NFYC: variants seen among roughly 807,000 people sequenced by gnomAD.
The protein encoded by NFYC is CAAT box DNA-binding protein subunit C.
NFYC carries 25 observed loss-of-function variants against 53.1 expected under a neutral mutation model. The ratio of observed to expected loss-of-function variants is 0.47; its 90% CI spans 0.34 to 0.66. The LOEUF (loss-of-function observed/expected upper bound fraction) is 0.66. Ranked by LOEUF, NFYC falls within the 30% of genes least tolerant of loss-of-function variation. NFYC has a pLI of 0.01. For synonymous variants in NFYC, 145 were observed against 152.6 expected (o/e 0.95, Z 0.37); for missense variants, 260 against 422.7 (o/e 0.62, Z 3.38).
intron 1 of NFYC, among the ~76,000 whole-genome samples, chr1:40,736,719 C>T (rs1463992888): frequency 1.4e-5 from 2 of 144,472 alleles, no homozygotes; most frequent in African/African-American, 5.2e-5. Context: ...AAATCCGAAA[C>T]TTTTTGAGCC....
intron 1 of NFYC, among the ~76,000 whole-genome samples, chr1:40,728,096 T>A (rs1644603107): frequency 6.6e-6 from 1 of 151,886 alleles, no homozygotes; most frequent in Non-Finnish European, 1.5e-5. Context: ...GTGTTTTTAG[T>A]AGAGATGGGG....
chr1:40,766,889 G>A (rs1325886065), intron 8 of NFYC, 186 bp downstream of exon 8: 5 of 1,551,348 alleles, frequency 3.2e-6, no homozygotes, highest in Admixed American at 2.0e-5. Context: ...TAGATTCAAA[G>A]TGTTTTCTCT....
Position 40,738,951 on chromosome 1 carries a change from G to A in NFYC, c.105+3G>A, listed in dbSNP as rs1280111907. The A allele has an allele frequency of 2.5e-6, 4 of 1,592,238 alleles. No homozygotes were observed. The South Asian group carries it at 4.4e-5, about 18-fold the overall frequency. ...AAGAAATCCGGAATTTAACAGTGGT[G>A]AGGAAGAATGAGAAACTTTTATTAG... On this transcript the variant is annotated splice_donor_region_variant and intron_variant, in intron 2 of 9. Coordinates refer to ENST00000447388, the MANE Select transcript of NFYC (RefSeq NM_014223.5).
chr1:40,692,887 A>C (rs1642911713), intron 1 of NFYC, among the ~76,000 whole-genome samples: 1 of 152,204 alleles, frequency 6.6e-6, no homozygotes, highest in African/African-American at 2.4e-5. Context: ...GTTATACATT[A>C]TTGAGTCTCA....
chr1:40,733,949 A>G (rs903714667), intron 1 of NFYC, among the ~76,000 whole-genome samples: 3 of 152,188 alleles, frequency 2.0e-5, no homozygotes, highest in Non-Finnish European at 1.5e-5. Context: ...GTTTTGCTAT[A>G]TTAGCCAGGC....
intron 8 of NFYC, 90 bp downstream of exon 8, chr1:40,766,793 G>A (rs1646833629): frequency 6.7e-7 from 1 of 1,492,618 alleles, no homozygotes; most frequent in Non-Finnish European, 9.3e-7. Context: ...CAGCTGTCTT[G>A]CCACCTCATC....
chr1:40,697,503 A>G (rs140580778), intron 1 of NFYC, among the ~76,000 whole-genome samples: 5 of 152,334 alleles, frequency 3.3e-5, no homozygotes, highest in African/African-American at 9.6e-5. Context: ...TCTTTTGTTC[A>G]TCCCCAAGTG....
chr1:40,692,661 A>C (rs1034403700), intron 1 of NFYC, among the ~76,000 whole-genome samples: 1 of 152,136 alleles, frequency 6.6e-6, no homozygotes, highest in Non-Finnish European at 1.5e-5. Flanking sequence ...GCATTCAAAC[A>C]CTGAGGTTTT....
chr1:40,721,243 C>T (rs986692107), intron 1 of NFYC, among the ~76,000 whole-genome samples: 2 of 152,186 alleles, frequency 1.3e-5, no homozygotes, highest in Non-Finnish European at 2.9e-5. Flanking sequence ...AGCTTCTTAT[C>T]AATGCTATTG....
intron 3 of NFYC, 129 bp downstream of exon 3, chr1:40,747,734 T>C: frequency 1.5e-6 from 1 of 677,918 alleles, no homozygotes; most frequent in Non-Finnish European, 2.5e-6. Context: ...TGCTTTGTTA[T>C]TTGGTTCCTG....
intron 6 of NFYC, among the ~76,000 whole-genome samples, 188 bp from the exon 7 acceptor site, chr1:40,762,700 G>A (rs186324494): frequency 2.3e-4 from 35 of 152,130 alleles, no homozygotes; most frequent in Admixed American, 1.5e-3. Context: ...TTTTTCTTTC[G>A]TTTTGGAGAG....
chr1:40,761,878 T>C (rs1646562932), intron 6 of NFYC, among the ~76,000 whole-genome samples: 1 of 152,158 alleles, frequency 6.6e-6, no homozygotes, highest in Non-Finnish European at 1.5e-5. Context: ...AAGTCAGGGA[T>C]TGGGTGTACA....
At chr1:40,760,148 G>C (rs1443468549) in intron 6 of NFYC, among the ~76,000 whole-genome samples, 2 of 152,060 alleles carry the variant, frequency 1.3e-5, no homozygotes, top group African/African-American at 4.8e-5. Flanking sequence ...GTGGAGATGG[G>C]GTCTCATTAT....
intron 2 of NFYC, among the ~76,000 whole-genome samples, chr1:40,741,553 G>A (rs997396956): frequency 8.6e-5 from 13 of 151,240 alleles, no homozygotes; most frequent in Admixed American, 6.6e-5. Flanking sequence ...CACTTAGCAT[G>A]TCTGTTGAAG....
At chr1:40,730,524 C>G in intron 1 of NFYC, 1 of 982,022 alleles carries the variant, frequency 1.0e-6, no homozygotes, top group Non-Finnish European at 1.2e-6. Context: ...TGCAATAAAA[C>G]AAGGTATAGT....
At chr1:40,754,339 C>G in intron 5 of NFYC, 1 of 534,480 alleles carries the variant, frequency 1.9e-6, no homozygotes, top group Non-Finnish European at 3.8e-6. Context: ...TGCCTCACTG[C>G]GTCTCCGTTC....
At chr1:40,722,270 C>T (rs1644356496) in intron 1 of NFYC, among the ~76,000 whole-genome samples, 1 of 152,092 alleles carries the variant, frequency 6.6e-6, no homozygotes. Context: ...ATCATTGACA[C>T]ACCCAAGGAT....
intron 1 of NFYC, among the ~76,000 whole-genome samples, chr1:40,699,226 G>A (rs1257067626): frequency 6.6e-6 from 1 of 152,110 alleles, no homozygotes; most frequent in Non-Finnish European, 1.5e-5. Flanking sequence ...TGATGTTAGA[G>A]TATAGAATAT....
At chr1:40,720,731 G>T (rs1360802369) in intron 1 of NFYC, among the ~76,000 whole-genome samples, 1 of 152,128 alleles carries the variant, frequency 6.6e-6, no homozygotes, top group Admixed American at 6.5e-5. Context: ...AGCCAGGTAT[G>T]GTGGCAAGCA....
Sources: allele counts gnomAD v4.1 joint callset (sites outside exome capture counted in the v4.1 genomes callset), GRCh38; gene constraint gnomAD v4.1.1; transcripts MANE v1.5; gene names NCBI Gene and HGNC (gene_info 2026-07-23, HGNC 2026-07-21).